UBAP2: variants seen among roughly 807,000 people sequenced by gnomAD.
UBAP2 encodes the protein ubiquitin-associated protein 2.
A neutral mutation model predicts 139.6 loss-of-function variants in UBAP2; 75 were observed. The ratio of observed to expected loss-of-function variants is 0.54; its 90% confidence interval spans 0.45 to 0.65. The LOEUF is 0.65. UBAP2 is among the 30% of genes least tolerant of loss of function. UBAP2 has a pLI of 0.00. For missense variants in UBAP2, 1,368 were observed against 1,369.6 expected, an observed-to-expected ratio of 1.00 and a Z score of 0.02; for synonymous variants, 526 against 526.2, an observed-to-expected ratio of 1.00 and a Z score of 0.01.
intron 8 of UBAP2, chr9:33,968,171 C>A: frequency 5.0e-6 from 3 of 604,222 alleles, no homozygotes; most frequent in Non-Finnish European, 9.7e-6. Flanking sequence ...AAGAAGAAAT[C>A]TACTGGGTTT....
At chr9:34,044,012 A>G (rs1827331792) in intron 1 of UBAP2, among the ~76,000 whole-genome samples, 2 of 148,476 alleles carry the variant, frequency 1.3e-5, no homozygotes, top group South Asian at 4.3e-4. Flanking sequence ...AATCGCTTGA[A>G]CCCAGTAGGC....
In UBAP2 at chr9:33,943,441, C is replaced by T. The variant is rs1292646529; in HGVS notation, c.1694G>A (p.Ser565Asn). 3 of 1,614,062 alleles carry T rather than the reference C, an allele frequency of 1.9e-6. No individual in the cohort carries two copies. Among genetic ancestry groups the T allele is most frequent in the African/African-American group, 1.3e-5 (1 of 74,928 alleles). The change falls in exon 15 of 29, where the codon AGC becomes AAC. Residue 565 changes from serine (S) to asparagine (N), a missense_variant. By Grantham distance (46) the Ser-to-Asn change is conservative (BLOSUM62 1). Transcript: ENST00000379238. ...SSENSNQIPI[S>N]LYSKSLSEPL... is the part of the protein sequence containing the mutation. ...GTACCTTAAAGACTTCGAATACAAG[C>T]TGATGGGAATCTGATTACTATTTTC...
intron 12 of UBAP2, among the ~76,000 whole-genome samples, chr9:33,949,267 A>G (rs949225884): frequency 6.6e-6 from 1 of 152,216 alleles, no homozygotes; most frequent in Non-Finnish European, 1.5e-5. Context: ...CTAAAGAGGA[A>G]TGCCATGAAA....
At chr9:33,950,262 G>A (rs1359261450) in intron 12 of UBAP2, among the ~76,000 whole-genome samples, 6 of 151,880 alleles carry the variant, frequency 4.0e-5, no homozygotes, top group Non-Finnish European at 8.8e-5. Flanking sequence ...TAGTAGAGAC[G>A]GGGTTTCACC....
chr9:33,927,215 G>A, intron 20 of UBAP2, 135 bp from the exon 21 acceptor site: 3 of 646,646 alleles, frequency 4.6e-6, no homozygotes, highest in Non-Finnish European at 8.0e-6. Context: ...GAATGAGGCA[G>A]AGGGTCATTC....
intron 1 of UBAP2, among the ~76,000 whole-genome samples, chr9:34,019,241 A>G (rs1479604006): frequency 6.6e-6 from 1 of 152,124 alleles, no homozygotes; most frequent in Non-Finnish European, 1.5e-5. Context: ...CGTCTCTACT[A>G]AAAATACAAA....
chr9:33,972,860 A>G (rs1430824313), intron 7 of UBAP2, among the ~76,000 whole-genome samples: 2 of 152,190 alleles, frequency 1.3e-5, no homozygotes, highest in African/African-American at 2.4e-5. Flanking sequence ...TCACAACTTC[A>G]GGCGAAGTGC....
At chr9:34,024,446 T>C (rs1190855707) in intron 1 of UBAP2, among the ~76,000 whole-genome samples, 1 of 152,154 alleles carries the variant, frequency 6.6e-6, no homozygotes, top group Non-Finnish European at 1.5e-5. Context: ...GATTAACTTG[T>C]CTTCTGTCAG....
chr9:34,000,208 G>A (rs1822585267), intron 2 of UBAP2, among the ~76,000 whole-genome samples: 1 of 151,972 alleles, frequency 6.6e-6, no homozygotes, highest in African/African-American at 2.4e-5. Flanking sequence ...TCCAACTCCT[G>A]AGTTCAAGAG....
chr9:33,996,274 AT>A lies in UBAP2; in HGVS notation c.236del (p.Asn79MetfsTer4). 2 of 1,613,802 alleles carry A rather than the reference AT, an allele frequency of 1.2e-6. No individual in the cohort carries two copies. Among genetic ancestry groups the A allele is most frequent in the Non-Finnish European group, 8.5e-7 (1 of 1,179,950 alleles). The stretch of plus-strand genomic sequence containing the variant: ...TATTGATAGCTTTGTTCACATCTCC[AT>A]TACAATCATGTAGGGCCACTATGCA... Reference protein sequence around the residue: ...DECIVALHDCNGDVNKAINIL... With the variant: ...DECIVALHDCXGDVNKAINIL... On this transcript the variant is annotated frameshift_variant, in exon 4 of 29. Transcript: ENST00000379238. LOFTEE classifies it high-confidence loss of function.
intron 2 of UBAP2, among the ~76,000 whole-genome samples, chr9:34,008,633 T>C (rs1331435230): frequency 8.4e-4 from 1 of 1,186 alleles, no homozygotes; most frequent in African/African-American, 1.1e-3. Flanking sequence ...AAGCGTAAGA[T>C]ATATACTAAC....
intron 4 of UBAP2, among the ~76,000 whole-genome samples, chr9:33,992,923 C>T (rs1821845784): frequency 6.6e-6 from 1 of 152,198 alleles, no homozygotes; most frequent in African/African-American, 2.4e-5. Flanking sequence ...ATAATCAGAA[C>T]AGCAGTCTTC....
chr9:33,990,219 G>A (rs1221843720), intron 4 of UBAP2, among the ~76,000 whole-genome samples: 1 of 152,060 alleles, frequency 6.6e-6, no homozygotes, highest in Non-Finnish European at 1.5e-5. Context: ...AGAAGGGACT[G>A]GAAATGACTC....
At chr9:33,961,337 T>G (rs307663) in intron 9 of UBAP2, among the ~76,000 whole-genome samples, 4,715 of 152,302 alleles carry the variant, frequency 0.031, 158 homozygotes, top group East Asian at 0.09. Flanking sequence ...TTATCAAATT[T>G]AGAGAAGCAT....
chr9:34,038,656 G>T (rs1019315913), intron 1 of UBAP2, among the ~76,000 whole-genome samples: 5 of 152,178 alleles, frequency 3.3e-5, no homozygotes, highest in African/African-American at 1.2e-4. Context: ...CCACCCGCCT[G>T]CCTTGGCCTC....
intron 11 of UBAP2, among the ~76,000 whole-genome samples, chr9:33,955,834 G>GAAA (rs34598165): frequency 2.7e-5 from 2 of 75,050 alleles, no homozygotes; most frequent in Non-Finnish European, 5.8e-5. Flanking sequence ...TCTCAAAATA[G>GAAA]AAAAAAAAAA....
chr9:33,989,465 T>C (rs1331858809), intron 4 of UBAP2, among the ~76,000 whole-genome samples: 3 of 152,138 alleles, frequency 2.0e-5, no homozygotes, highest in Non-Finnish European at 4.4e-5. Context: ...CCTCCCAAAG[T>C]GCTGGGATTA....
intron 5 of UBAP2, 84 bp from the exon 6 acceptor site, chr9:33,986,921 G>A: frequency 2.5e-6 from 3 of 1,181,736 alleles, no homozygotes; most frequent in Non-Finnish European, 3.8e-6. Flanking sequence ...TAAAGGCAAA[G>A]AAGGAATGAC....
chr9:33,971,055 G>A (rs1027813155), intron 8 of UBAP2, among the ~76,000 whole-genome samples: 4 of 152,014 alleles, frequency 2.6e-5, no homozygotes, highest in Admixed American at 6.6e-5. Context: ...CATCTGCCTC[G>A]GCCTCCCAAA....
Sources: allele counts gnomAD v4.1 joint callset (sites outside exome capture counted in the v4.1 genomes callset), GRCh38; gene constraint gnomAD v4.1.1; transcripts MANE v1.5; gene names NCBI Gene and HGNC (gene_info 2026-07-23, HGNC 2026-07-21).